Variants in PTPRM observed in about 807,000 individuals in gnomAD.
PTPRM encodes receptor-type tyrosine-protein phosphatase mu.
Under a neutral mutation model 186.7 loss-of-function variants are expected in PTPRM, and 47 were observed. That is an observed-to-expected ratio of 0.25 (90% CI 0.20 to 0.32). PTPRM has a LOEUF of 0.32. Among genes scored for constraint, PTPRM ranks in the 10% least tolerant of loss-of-function variants. The probability of loss-of-function intolerance (pLI) is 1.00; values close to 1 mark genes in which losing one functional copy is unlikely to be tolerated. For synonymous variants in PTPRM, 668 were observed against 674.9 expected (o/e 0.99, Z 0.16); for missense variants, 1,494 against 1,865.0 (o/e 0.80, Z 3.66).
chr18:7,664,064 A>C (rs1186924455), intron 1 of PTPRM, among the ~76,000 whole-genome samples: 1 of 151,772 alleles, frequency 6.6e-6, no homozygotes, highest in Non-Finnish European at 1.5e-5. Context: ...GGAAAGGGTA[A>C]GGGCTTACTC....
At chr18:7,712,396 G>A (rs2040231957) in intron 1 of PTPRM, among the ~76,000 whole-genome samples, 1 of 152,118 alleles carries the variant, frequency 6.6e-6, no homozygotes, top group Non-Finnish European at 1.5e-5. Flanking sequence ...AATCCATGAA[G>A]ATGGGGAGAA....
chr18:8,218,434 C>G lies in PTPRM; in HGVS notation c.2301-25624C>G, dbSNP rs552589182. Among the ~76,000 whole-genome samples the G allele has an allele frequency of 2.0e-5, 3 of 152,274 alleles. No homozygotes were observed. The East Asian group carries it at 5.8e-4, about 29-fold the overall frequency. ...TGCAGCAAGCAACTATTGGGAGCAGCAGGGACACTGTGCCTTGTGGAAGAC... is the reference window on the plus strand; with the variant it reads ...TGCAGCAAGCAACTATTGGGAGCAGGAGGGACACTGTGCCTTGTGGAAGAC... On this transcript the variant is annotated intron_variant, in intron 14 of 32. Coordinates refer to ENST00000580170, the MANE Select transcript of PTPRM (RefSeq NM_001105244.2).
chr18:7,696,488 A>T (rs1376295094), intron 1 of PTPRM, among the ~76,000 whole-genome samples: 2 of 152,234 alleles, frequency 1.3e-5, no homozygotes, highest in Non-Finnish European at 2.9e-5. Context: ...TGAAATAGTC[A>T]TACATAGAAA....
intron 13 of PTPRM, among the ~76,000 whole-genome samples, chr18:8,138,688 A>G (rs531109317): frequency 5.9e-5 from 9 of 151,980 alleles, no homozygotes; most frequent in Non-Finnish European, 1.3e-4. Flanking sequence ...TCTGGGTGAA[A>G]CATCAGCCCT....
intron 5 of PTPRM, among the ~76,000 whole-genome samples, chr18:7,937,018 A>G (rs2146918485): frequency 6.6e-6 from 1 of 152,274 alleles, no homozygotes; most frequent in South Asian, 2.1e-4. Context: ...TGTGGAGCAA[A>G]GCTGACCACT....
chr18:7,669,483 G>C (rs2039169287), intron 1 of PTPRM, among the ~76,000 whole-genome samples: 1 of 152,166 alleles, frequency 6.6e-6, no homozygotes, highest in Admixed American at 6.5e-5. Context: ...CCATAGCTCA[G>C]CTGATTTATA....
intron 32 of PTPRM, among the ~76,000 whole-genome samples, chr18:8,405,538 G>A (rs185506991): frequency 9.2e-5 from 14 of 152,322 alleles, no homozygotes; most frequent in Admixed American, 3.3e-4. Flanking sequence ...TCCACCTCAT[G>A]TGTTGTCATT....
intron 7 of PTPRM, among the ~76,000 whole-genome samples, chr18:7,984,301 C>T (rs773630525): frequency 9.9e-5 from 15 of 152,004 alleles, no homozygotes; most frequent in Non-Finnish European, 1.8e-4. Context: ...ACAGTATCCT[C>T]ATTTTCCAAG....
At chr18:7,864,401 A>G (rs149157093) in intron 2 of PTPRM, among the ~76,000 whole-genome samples, 7,895 of 152,314 alleles carry the variant, frequency 0.052, 267 homozygotes, top group Middle Eastern at 0.19. Context: ...GTCCAGTTTC[A>G]GTTTTCTGCA....
chr18:7,699,724 C>A (rs966732880), intron 1 of PTPRM, among the ~76,000 whole-genome samples: 2 of 86,140 alleles, frequency 2.3e-5, no homozygotes, highest in Admixed American at 2.4e-4. Context: ...GTCTAACTTA[C>A]AAGTTTTTTT....
intron 7 of PTPRM, among the ~76,000 whole-genome samples, chr18:8,035,279 A>C (rs539617884): frequency 6.6e-6 from 1 of 152,326 alleles, no homozygotes; most frequent in African/African-American, 2.4e-5. Context: ...TTGAATAAAA[A>C]GTTTAATTCT....
At chr18:7,887,912 A>C (rs868716320) in intron 2 of PTPRM, 194 bp from the exon 3 acceptor site, 3 of 770,208 alleles carry the variant, frequency 3.9e-6, no homozygotes, top group Middle Eastern at 3.0e-4. Flanking sequence ...TACTATGTGC[A>C]CTCTTGAGAA....
intron 4 of PTPRM, among the ~76,000 whole-genome samples, chr18:7,920,267 C>T (rs1484325876): frequency 1.3e-5 from 2 of 152,068 alleles, no homozygotes; most frequent in African/African-American, 4.8e-5. Context: ...TCTTCTCTTT[C>T]TTCCTTTCTT....
At chr18:7,873,809 A>G (rs546934161) in intron 2 of PTPRM, among the ~76,000 whole-genome samples, 5 of 152,288 alleles carry the variant, frequency 3.3e-5, no homozygotes, top group South Asian at 2.1e-4. Flanking sequence ...AAAAAATACT[A>G]TTTTCATGTC....
At chr18:7,918,084 G>A (rs896430195) in intron 4 of PTPRM, among the ~76,000 whole-genome samples, 1 of 113,804 alleles carries the variant, frequency 8.8e-6, no homozygotes, top group African/African-American at 3.9e-5. Context: ...GTGTTTGTGT[G>A]TGTGTGTGTG....
At chr18:8,173,008 T>C (rs2093427703) in intron 14 of PTPRM, among the ~76,000 whole-genome samples, 1 of 152,224 alleles carries the variant, frequency 6.6e-6, no homozygotes, top group African/African-American at 2.4e-5. Context: ...TCTTTCTTAA[T>C]AAGGAACTGT....
chr18:8,296,352 C>A lies in PTPRM; in HGVS notation c.2755-16C>A. 6.5e-7 allele frequency: 1 copy of A among 1,544,728 alleles called. No homozygotes were observed. The highest frequency in any genetic ancestry group is 9.0e-7 in the Non-Finnish European group (1 of 1,116,974). On this transcript the variant is annotated splice_polypyrimidine_tract_variant and intron_variant, in intron 19 of 32. Coordinates refer to ENST00000580170, the MANE Select transcript of PTPRM (RefSeq NM_001105244.2). ...ACTGCGCCAAATTGTAATTCTCAGT[C>A]TCACTTTCCTTCTAGAGCTTCTTTG...
At chr18:8,044,174 A>G (rs941267855) in intron 7 of PTPRM, among the ~76,000 whole-genome samples, 2 of 152,208 alleles carry the variant, frequency 1.3e-5, no homozygotes, top group African/African-American at 4.8e-5. Context: ...GGCCTAGTCA[A>G]CAAGAGAGCT....
intron 1 of PTPRM, among the ~76,000 whole-genome samples, chr18:7,613,505 T>A (rs1332428803): frequency 2.0e-5 from 3 of 152,054 alleles, no homozygotes; most frequent in Non-Finnish European, 2.9e-5. Flanking sequence ...AAACCTGATC[T>A]CTACTAAAAA....
Sources: gnomAD v4.1 joint callset for allele counts (sites outside exome capture counted in the v4.1 genomes callset) on GRCh38, gnomAD v4.1.1 for gene constraint, MANE v1.5 for transcripts, NCBI Gene and HGNC (gene_info 2026-07-23, HGNC 2026-07-21) for gene names.